Variants in PRKDC observed in about 807,000 individuals in gnomAD.
PRKDC encodes DNA-dependent protein kinase catalytic subunit.
In PRKDC, 82 loss-of-function variants were observed where a neutral mutation model predicts 486.9. The observed-to-expected ratio is 0.17, with a 90% CI of 0.14 to 0.20. The LOEUF is 0.20. Ranked by LOEUF, PRKDC falls within the 10% of genes least tolerant of loss-of-function variation. The pLI, the probability that PRKDC is intolerant of heterozygous loss-of-function variation, is 1.00. For missense variants in PRKDC, 4,504 were observed against 5,038.2 expected (o/e 0.89, Z 3.21); for synonymous variants, 1,895 against 1,837.0 (o/e 1.03, Z -0.81).
chr8:47,921,014 G>A (rs1275819162), intron 21 of PRKDC, among the ~76,000 whole-genome samples: 4 of 152,176 alleles, frequency 2.6e-5, no homozygotes, highest in African/African-American at 9.7e-5. Context: ...AGCACTTTGG[G>A]AGGCCGAGGG....
chr8:47,927,171 A>G, intron 21 of PRKDC, 23 bp downstream of exon 21: 1 of 1,606,540 alleles, frequency 6.2e-7, no homozygotes, highest in Non-Finnish European at 8.5e-7. Flanking sequence ...TACAATACAC[A>G]TCACAATTCT....
At chr8:47,811,968 A>T (rs2087337259) in intron 68 of PRKDC, among the ~76,000 whole-genome samples, 1 of 152,118 alleles carries the variant, frequency 6.6e-6, no homozygotes, top group South Asian at 2.1e-4. Flanking sequence ...CTAGAGCAAA[A>T]TTCCATCACA....
At chr8:47,866,883 C>T (rs2088830630) in intron 40 of PRKDC, among the ~76,000 whole-genome samples, 1 of 152,132 alleles carries the variant, frequency 6.6e-6, no homozygotes, top group Non-Finnish European at 1.5e-5. Context: ...AGGCTATTCA[C>T]AACAGCATTA....
chr8:47,915,298 C>G, intron 23 of PRKDC, 30 bp downstream of exon 23: 1 of 1,292,702 alleles, frequency 7.7e-7, no homozygotes, highest in Non-Finnish European at 1.1e-6. Flanking sequence ...AATATATCTA[C>G]AGAGGTTATT....
chr8:47,840,970 A>G (rs1167429627), intron 54 of PRKDC, among the ~76,000 whole-genome samples: 1 of 152,236 alleles, frequency 6.6e-6, no homozygotes, highest in Non-Finnish European at 1.5e-5. Flanking sequence ...TTGGAAAGAA[A>G]GCACTGAGCA....
chr8:47,807,577 C>G (rs1190717643), intron 68 of PRKDC, among the ~76,000 whole-genome samples: 2 of 151,836 alleles, frequency 1.3e-5, no homozygotes, highest in East Asian at 3.9e-4. Context: ...TGCCACTACA[C>G]CCGGCTAATT....
chr8:47,858,271 C>G (rs927968796), intron 48 of PRKDC, among the ~76,000 whole-genome samples: 12 of 151,392 alleles, frequency 7.9e-5, no homozygotes, highest in African/African-American at 2.9e-4. Flanking sequence ...ATACAAAGAC[C>G]ACTTCTAACT....
chr8:47,869,398 G>A (rs1237744694), intron 40 of PRKDC, among the ~76,000 whole-genome samples: 7 of 151,690 alleles, frequency 4.6e-5, no homozygotes, highest in Non-Finnish European at 8.8e-5. Flanking sequence ...GCTCCCAGAC[G>A]ACATTTTTAG....
intron 71 of PRKDC, 30 bp downstream of exon 71, chr8:47,800,763 C>T (rs1460990553): frequency 1.3e-6 from 2 of 1,566,098 alleles, no homozygotes; most frequent in Admixed American, 3.8e-5. Flanking sequence ...ATACACAGCA[C>T]ACTAGCGTAA....
At chr8:47,938,472 G>A (rs2154503897) in intron 11 of PRKDC, among the ~76,000 whole-genome samples, 1 of 151,662 alleles carries the variant, frequency 6.6e-6, no homozygotes, top group East Asian at 1.9e-4. Flanking sequence ...GAGATTGTAG[G>A]AAGAAAAAAG....
rs965865062 is a variant in PRKDC, at chr8:47,817,618, C to T, written c.9446-57G>A. ...ACAGCTCAATTATAAGATCAAATGA[C>T]AAAGGTCATTATCAGTAAATAGAAA... On this transcript the variant is annotated intron_variant, in intron 67 of 85. Coordinates refer to ENST00000314191, the MANE Select transcript of PRKDC (RefSeq NM_006904.7). 8 of 1,120,486 alleles carry T rather than the reference C, an allele frequency of 7.1e-6. No individual in the cohort carries two copies. In the African/African-American group the frequency reaches 1.1e-4, roughly 16 times the overall value. The allele number at this position is 1,120,486 out of a possible 1,614,324, so 69.4% of individuals were successfully genotyped here. A position where few individuals can be genotyped will look rare whatever the true frequency, so the allele number is the denominator to read the frequency against.
At chr8:47,814,369 A>T (rs1220872875) in intron 68 of PRKDC, among the ~76,000 whole-genome samples, 1 of 152,208 alleles carries the variant, frequency 6.6e-6, no homozygotes, top group African/African-American at 2.4e-5. Context: ...CATGGTTTTA[A>T]CAAAGCAGGA....
intron 1 of PRKDC, among the ~76,000 whole-genome samples, chr8:47,959,724 T>C (rs2090779544): frequency 6.6e-6 from 1 of 152,110 alleles, no homozygotes; most frequent in Non-Finnish European, 1.5e-5. Flanking sequence ...CCACTCTGCA[T>C]AGCAATGATT....
intron 29 of PRKDC, 54 bp from the exon 30 acceptor site, chr8:47,897,348 C>G: frequency 6.8e-7 from 1 of 1,468,034 alleles, no homozygotes; most frequent in Non-Finnish European, 9.1e-7. Flanking sequence ...CAACATTCAG[C>G]TACCAAGGCT....
intron 24 of PRKDC, among the ~76,000 whole-genome samples, chr8:47,913,070 A>G (rs1476615789): frequency 1.3e-5 from 2 of 152,202 alleles, no homozygotes; most frequent in Non-Finnish European, 1.5e-5. Flanking sequence ...TTAAGCAATA[A>G]AGCATTTTAA....
In PRKDC at chr8:47,819,393, A is replaced by G. The variant is rs780309787; in HGVS notation, c.9445+9T>C. ...GAAATGAAAAAAAAAGACCGATGAA[A>G]AAAATTACCTTGTTTGCTTATAAAG... On this transcript the variant is annotated intron_variant, in intron 67 of 85. Transcript: ENST00000314191. 5.4e-6 allele frequency: 8 copies of G among 1,491,806 alleles called. No homozygotes were observed. Among genetic ancestry groups the G allele is most frequent in the East Asian group, 2.4e-5 (1 of 41,522 alleles). 92.4% of individuals were successfully genotyped at this position (1,491,806 alleles called of 1,614,324 possible).
intron 25 of PRKDC, among the ~76,000 whole-genome samples, chr8:47,907,468 T>A (rs1484827032): frequency 2.7e-5 from 4 of 149,562 alleles, no homozygotes; most frequent in African/African-American, 9.8e-5. Context: ...TAGAAAATCA[T>A]CCCTCTACAA....
intron 68 of PRKDC, among the ~76,000 whole-genome samples, chr8:47,810,929 AC>A: frequency 6.6e-6 from 1 of 152,208 alleles, no homozygotes; most frequent in African/African-American, 2.4e-5. Flanking sequence ...AGAGTCAGGG[AC>A]CTATGGAACA....
chr8:47,823,251 G>A (rs542039819), intron 64 of PRKDC, among the ~76,000 whole-genome samples: 4 of 151,716 alleles, frequency 2.6e-5, no homozygotes, highest in Admixed American at 6.6e-5. Flanking sequence ...TGGGAGGACC[G>A]CCGGAGCCTG....
Sources: allele counts gnomAD v4.1 joint callset (sites outside exome capture counted in the v4.1 genomes callset), GRCh38; gene constraint gnomAD v4.1.1; transcripts MANE v1.5; gene names NCBI Gene and HGNC (gene_info 2026-07-23, HGNC 2026-07-21).